PAH: variants seen among roughly 807,000 people sequenced by gnomAD.
PAH encodes the protein phenylalanine hydroxylase.
In PAH, 64 loss-of-function variants were observed where a neutral mutation model predicts 62.0. The ratio of observed to expected loss-of-function variants is 1.03; its 90% CI spans 0.84 to 1.27. The LOEUF (loss-of-function observed/expected upper bound fraction) is 1.27. PAH is among the 50% of genes most tolerant of loss of function. The probability of loss-of-function intolerance (pLI) is 0.00; values close to 1 mark genes in which losing one functional copy is unlikely to be tolerated. For missense variants in PAH, 579 were observed against 542.8 expected, an observed-to-expected ratio of 1.07 and a Z score of -0.66; for synonymous variants, 195 against 196.2, an observed-to-expected ratio of 0.99 and a Z score of 0.05.
At chr12:102,887,316 G>T (rs1280360080) in intron 3 of PAH, among the ~76,000 whole-genome samples, 1 of 151,934 alleles carries the variant, frequency 6.6e-6, no homozygotes, top group Admixed American at 6.6e-5. Flanking sequence ...AGTGCCATGT[G>T]CAATCTAGCA....
At chr12:102,935,393 G>A (rs1372229938) in intron 1 of PAH, among the ~76,000 whole-genome samples, 1 of 152,074 alleles carries the variant, frequency 6.6e-6, no homozygotes. Context: ...TGGTATCAGG[G>A]TAATAATGGC....
chr12:102,928,617 G>T (rs959441359), intron 1 of PAH, among the ~76,000 whole-genome samples: 2 of 152,158 alleles, frequency 1.3e-5, no homozygotes, highest in African/African-American at 4.8e-5. Context: ...GGAGACTGCA[G>T]TCACTACTCA....
chr12:102,945,026 T>A (rs527762843), intron 1 of PAH: 1 of 152,376 alleles, frequency 6.6e-6, no homozygotes, highest in Non-Finnish European at 1.5e-5. Context: ...CTTACAGAGG[T>A]ACCACCTTGG....
chr12:102,861,699 G>C (rs1248863700), intron 5 of PAH, among the ~76,000 whole-genome samples: 1 of 152,122 alleles, frequency 6.6e-6, no homozygotes, highest in African/African-American at 2.4e-5. Context: ...GGTGAAACTG[G>C]AAACCATCAT....
chr12:102,854,260 C>T lies in PAH; in HGVS notation c.706+876G>A, dbSNP rs967470030. The stretch of plus-strand genomic sequence containing the variant: ...TTCCTGCCAAGTAATTTCCCTGGCT[C>T]ATTGCCCCCACAGTGGCCCATCTCT... On this transcript the variant is annotated intron_variant, in intron 6 of 12. Transcript: ENST00000553106. 5.3e-5 allele frequency among the ~76,000 whole-genome samples: 8 copies of T among 152,306 alleles called. No homozygotes were observed. In the East Asian group the frequency reaches 1.5e-3, roughly 29 times the overall value.
At chr12:102,911,006 T>A (rs1237565056) in intron 2 of PAH, among the ~76,000 whole-genome samples, 1 of 152,196 alleles carries the variant, frequency 6.6e-6, no homozygotes, top group Non-Finnish European at 1.5e-5. Flanking sequence ...CAGGCAAGCT[T>A]CCTTTCCATT....
intron 5 of PAH, among the ~76,000 whole-genome samples, 193 bp from the exon 6 acceptor site, chr12:102,855,525 A>G (rs1875386481): frequency 6.6e-6 from 1 of 152,174 alleles, no homozygotes. Flanking sequence ...GATTTCCCAC[A>G]TGAAAGGGTG....
intron 5 of PAH, among the ~76,000 whole-genome samples, chr12:102,864,432 T>C (rs921166566): frequency 6.6e-6 from 1 of 152,174 alleles, no homozygotes; most frequent in African/African-American, 2.4e-5. Flanking sequence ...CCAAGCTTGA[T>C]AGCAGTGGCT....
chr12:102,945,353 C>T (rs192126245), intron 1 of PAH, among the ~76,000 whole-genome samples: 10 of 152,332 alleles, frequency 6.6e-5, no homozygotes, highest in Admixed American at 1.3e-4. Context: ...GACACATTCT[C>T]CCCAGCCTTA....
In PAH at chr12:102,853,058, G is replaced by A. The variant is rs180863305; in HGVS notation, c.707-108C>T. On this transcript the variant is annotated intron_variant, in intron 6 of 12. Transcript: ENST00000553106. Reference sequence around the variant, plus strand: ...TACACATAACTGCCCAGGGACATAGGCTTTGACGCTAGGCAGACTTGGCTT... The same window carrying A: ...TACACATAACTGCCCAGGGACATAGACTTTGACGCTAGGCAGACTTGGCTT... 7,776 of 1,210,996 alleles carry A rather than the reference G, an allele frequency of 6.4e-3. 72 individuals carry two copies. The highest frequency in any genetic ancestry group is 6.0e-3 in the Non-Finnish European group (5,057 of 839,582). The allele number at this position is 1,210,996 out of a possible 1,614,324, so 75.0% of individuals were successfully genotyped here. A position where few individuals can be genotyped will look rare whatever the true frequency, so the allele number is the denominator to read the frequency against.
At chr12:102,852,373 G>T in intron 7 of PAH, 1 of 235,776 alleles carries the variant, frequency 4.2e-6, no homozygotes, top group South Asian at 6.5e-5. Context: ...TCAGACTAAG[G>T]GGATAACGAA....
chr12:102,938,985 C>G (rs1468708877), intron 1 of PAH, among the ~76,000 whole-genome samples: 1 of 152,134 alleles, frequency 6.6e-6, no homozygotes, highest in Non-Finnish European at 1.5e-5. Context: ...AGCATATCAA[C>G]TCTTTCTGCT....
intron 1 of PAH, among the ~76,000 whole-genome samples, chr12:102,924,565 T>C (rs1165876891): frequency 6.6e-6 from 1 of 152,132 alleles, no homozygotes. Flanking sequence ...TATTGTCCAG[T>C]ATAATAATTA....
chr12:102,910,465 G>C (rs894377071), intron 2 of PAH, among the ~76,000 whole-genome samples: 1 of 151,760 alleles, frequency 6.6e-6, no homozygotes, highest in South Asian at 2.1e-4. Flanking sequence ...CCGCCTCCAG[G>C]GTTCACGCCA....
chr12:102,922,787 G>A (rs1486290706), intron 1 of PAH, among the ~76,000 whole-genome samples: 1 of 152,188 alleles, frequency 6.6e-6, no homozygotes, highest in African/African-American at 2.4e-5. Context: ...CAAAGGACAT[G>A]AGAATGTATC....
rs62507283 is a variant in PAH, at chr12:102,852,941, C to A, written c.716G>T (p.Gly239Val). The A allele has an allele frequency of 6.2e-7, 1 of 1,613,906 alleles. No individual in the cohort carries two copies. The highest frequency in any genetic ancestry group is 8.5e-7 in the Non-Finnish European group (1 of 1,180,006). The change falls in exon 7 of 13, where the codon GGT becomes GTT. Residue 239 changes from glycine to valine, a missense_variant. Physicochemically the swap from Gly to Val is moderately radical, Grantham distance 109. Transcript: ENST00000553106. The part of the protein sequence containing the change: ...DVSQFLQTCT[G>V]FRLRPVAGLL... ...GCCAGCCACAGGTCGGAGGCGGAAA[C>A]CAGTGCAAGCTGGGATGAAAAGAAG...
At chr12:102,910,380 T>G (rs993706697) in intron 2 of PAH, among the ~76,000 whole-genome samples, 1 of 150,314 alleles carries the variant, frequency 6.7e-6, no homozygotes, top group Non-Finnish European at 1.5e-5. Flanking sequence ...TCCTTTTTTT[T>G]TTTTTTTGGG....
intron 2 of PAH, among the ~76,000 whole-genome samples, chr12:102,910,728 G>A (rs769629243): frequency 1.3e-5 from 2 of 152,118 alleles, no homozygotes; most frequent in Non-Finnish European, 2.9e-5. Flanking sequence ...AGCACATGCT[G>A]GGTATTTGGA....
upstream of PAH, among the ~76,000 whole-genome samples, chr12:102,920,759 T>TCTC (rs1878530956): frequency 1.3e-5 from 2 of 152,236 alleles, no homozygotes; most frequent in African/African-American, 4.8e-5. Context: ...CACTATAGAT[T>TCTC]TACTACAATC....
Sources: allele counts gnomAD v4.1 joint callset (sites outside exome capture counted in the v4.1 genomes callset), GRCh38; gene constraint gnomAD v4.1.1; transcripts MANE v1.5; gene names NCBI Gene and HGNC (gene_info 2026-07-23, HGNC 2026-07-21).